Variants in ZMAT3 observed in about 807,000 individuals in gnomAD.
ZMAT3 encodes zinc finger matrin-type 3, also known as zinc finger matrin-type protein 3.
Under a neutral mutation model 32.3 loss-of-function variants are expected in ZMAT3, and 17 were observed. That is an observed-to-expected ratio of 0.53 (90% CI 0.36 to 0.79). The LOEUF (loss-of-function observed/expected upper bound fraction) is 0.79. Among genes scored for constraint, ZMAT3 ranks in the 30% least tolerant of loss-of-function variants. The probability of loss-of-function intolerance (pLI) is 0.00; values close to 1 mark genes in which losing one functional copy is unlikely to be tolerated. For synonymous variants in ZMAT3, 120 were observed against 133.1 expected, an observed-to-expected ratio of 0.90 and a Z score of 0.68; for missense variants, 329 against 359.7, an observed-to-expected ratio of 0.91 and a Z score of 0.69.
intron 2 of ZMAT3, among the ~76,000 whole-genome samples, chr3:179,059,583 A>G (rs1721045061): frequency 6.6e-6 from 1 of 152,144 alleles, no homozygotes. Context: ...TCCAGAATCA[A>G]GGCTGTAAAA....
chr3:179,040,763 A>G (rs578209183), intron 2 of ZMAT3, among the ~76,000 whole-genome samples: 1 of 152,326 alleles, frequency 6.6e-6, no homozygotes, highest in South Asian at 2.1e-4. Flanking sequence ...TGCCCCAATT[A>G]AAAGACACAG....
At chr3:179,040,645 G>A (rs929842816) in intron 2 of ZMAT3, among the ~76,000 whole-genome samples, 4 of 152,060 alleles carry the variant, frequency 2.6e-5, no homozygotes, top group South Asian at 2.1e-4. Flanking sequence ...AAAGACCATC[G>A]ATGCTATGAA....
chr3:179,039,481 C>G (rs1040420791), intron 2 of ZMAT3, among the ~76,000 whole-genome samples: 9 of 152,186 alleles, frequency 5.9e-5, no homozygotes, highest in Admixed American at 5.9e-4. Context: ...AACAGACCTG[C>G]AGCTGAGGGA....
intron 2 of ZMAT3, among the ~76,000 whole-genome samples, chr3:179,037,479 G>A (rs544326462): frequency 6.6e-6 from 1 of 152,270 alleles, no homozygotes; most frequent in Admixed American, 6.5e-5. Flanking sequence ...TCCCTCAGCG[G>A]GCGCAGGATC....
At chr3:179,040,027 T>C (rs1272062930) in intron 2 of ZMAT3, among the ~76,000 whole-genome samples, 1 of 151,888 alleles carries the variant, frequency 6.6e-6, no homozygotes, top group East Asian at 1.9e-4. Context: ...AAGACATGGT[T>C]AGAAAAAAAG....
intron 2 of ZMAT3, among the ~76,000 whole-genome samples, chr3:179,031,941 CCCTCCCCCTCCCCCTCCCCCTCCT>C (rs1719231667): frequency 7.4e-4 from 2 of 2,704 alleles, no homozygotes; most frequent in Non-Finnish European, 6.6e-4. Flanking sequence ...CTCTCCCTCC[CCCTCCCCCTCCCCCTCCCCCTCCT>C]CCTCCCCCTC....
intron 1 of ZMAT3, 27 bp downstream of exon 1, chr3:179,071,567 TC>T (rs1046133229): frequency 3.3e-5 from 5 of 152,150 alleles, no homozygotes; most frequent in Middle Eastern, 3.4e-3. Flanking sequence ...TCCTGAAAGC[TC>T]CGCGGCTCCC....
intron 2 of ZMAT3, among the ~76,000 whole-genome samples, chr3:179,053,607 A>T (rs1032776726): frequency 2.0e-5 from 3 of 152,266 alleles, no homozygotes; most frequent in Non-Finnish European, 4.4e-5. Context: ...GGCAGGCAGT[A>T]GCTTAAACAA....
intron 2 of ZMAT3, among the ~76,000 whole-genome samples, chr3:179,043,144 C>T (rs2108559315): frequency 6.6e-6 from 1 of 152,308 alleles, no homozygotes; most frequent in South Asian, 2.1e-4. Flanking sequence ...AATAGCCATA[C>T]TGCCCAAGGT....
intron 2 of ZMAT3, among the ~76,000 whole-genome samples, chr3:179,035,973 G>C (rs1719568796): frequency 6.6e-6 from 1 of 152,134 alleles, no homozygotes; most frequent in African/African-American, 2.4e-5. Flanking sequence ...GTGTTGAGGG[G>C]CTACAAGGAG....
intron 2 of ZMAT3, among the ~76,000 whole-genome samples, chr3:179,058,300 T>A (rs984262561): frequency 1.3e-5 from 2 of 152,224 alleles, no homozygotes; most frequent in Non-Finnish European, 2.9e-5. Flanking sequence ...TGTGCACTTG[T>A]GCAACTCAAC....
chr3:179,064,599 T>C (rs934255908), intron 2 of ZMAT3, among the ~76,000 whole-genome samples: 1 of 152,108 alleles, frequency 6.6e-6, no homozygotes, highest in African/African-American at 2.4e-5. Context: ...CCAGCTAATT[T>C]CCTTGTATTT....
intron 2 of ZMAT3, among the ~76,000 whole-genome samples, chr3:179,054,935 A>G (rs754570075): frequency 2.0e-5 from 3 of 152,162 alleles, no homozygotes; most frequent in Non-Finnish European, 4.4e-5. Flanking sequence ...CTCTTCCATG[A>G]CCCACGGCTT....
intron 5 of ZMAT3, 133 bp downstream of exon 5, chr3:179,027,290 C>A: frequency 1.6e-6 from 1 of 612,594 alleles, no homozygotes; most frequent in South Asian, 3.6e-5. Context: ...CCTGAAAGGC[C>A]GCCACTAGAC....
At chr3:179,048,076 A>T (rs894221141) in intron 2 of ZMAT3, among the ~76,000 whole-genome samples, 1 of 152,216 alleles carries the variant, frequency 6.6e-6, no homozygotes, top group African/African-American at 2.4e-5. Context: ...GCTCAAATAT[A>T]AGGCTTTTGA....
rs1718383593 is a variant in ZMAT3, at chr3:179,018,459, G to A, written c.*6558C>T. 6.6e-6 allele frequency: 1 copy of A among 151,880 alleles called. No individual in the cohort carries two copies. The highest frequency in any genetic ancestry group is 2.4e-5 in the African/African-American group (1 of 41,356). 9.4% of individuals were successfully genotyped at this position (151,880 alleles called of 1,614,324 possible). On this transcript the variant is annotated 3_prime_UTR_variant, in exon 6 of 6. Transcript: ENST00000311417. ...AACTGCCAGATGTCTAAAAAAAAAA[G>A]TGTAATTAGTAAAAATATGGATTTT...
intron 2 of ZMAT3, among the ~76,000 whole-genome samples, chr3:179,057,699 A>G (rs1187762883): frequency 6.6e-6 from 1 of 152,250 alleles, no homozygotes; most frequent in Non-Finnish European, 1.5e-5. Context: ...AAAATTATCC[A>G]AAGGCACCAG....
intron 3 of ZMAT3, among the ~76,000 whole-genome samples, chr3:179,028,239 A>AT (rs1027101103): frequency 6.6e-6 from 1 of 152,182 alleles, no homozygotes; most frequent in African/African-American, 2.4e-5. Flanking sequence ...ATAGTCATAT[A>AT]TTTTTTTAAA....
chr3:179,032,493 C>T (rs1391901884), intron 2 of ZMAT3, among the ~76,000 whole-genome samples: 4 of 151,632 alleles, frequency 2.6e-5, no homozygotes, highest in South Asian at 2.1e-4. Flanking sequence ...CCCCTCTGCC[C>T]GGCCGCCCAG....
Sources: allele counts gnomAD v4.1 joint callset (sites outside exome capture counted in the v4.1 genomes callset), GRCh38; gene constraint gnomAD v4.1.1; transcripts MANE v1.5; gene names NCBI Gene and HGNC (gene_info 2026-07-23, HGNC 2026-07-21).